Variants in TRIM32 observed in about 807,000 individuals in gnomAD.
TRIM32 encodes tripartite motif containing 32.
TRIM32 carries 19 observed loss-of-function variants against 36.0 expected under a neutral mutation model. The ratio of observed to expected loss-of-function variants is 0.53; its 90% CI spans 0.37 to 0.77. The LOEUF is 0.77. Among genes scored for constraint, TRIM32 ranks in the 30% least tolerant of loss-of-function variants. TRIM32 has a pLI of 0.00. For synonymous variants in TRIM32, 309 were observed against 318.5 expected (o/e 0.97, Z 0.32); for missense variants, 747 against 845.2 (o/e 0.88, Z 1.44).
intron 1 of TRIM32, among the ~76,000 whole-genome samples, chr9:116,691,042 C>G (rs954805923): frequency 6.6e-6 from 1 of 152,146 alleles, no homozygotes; most frequent in Admixed American, 6.5e-5. Flanking sequence ...ATCTCAGCCT[C>G]CCAAGTAGCT....
At chr9:116,690,963 A>G (rs1254305138) in intron 1 of TRIM32, among the ~76,000 whole-genome samples, 2 of 152,186 alleles carry the variant, frequency 1.3e-5, no homozygotes, top group African/African-American at 4.8e-5. Context: ...TGTGTCACCC[A>G]GGCTGGAGTG....
rs747954415 is a variant in TRIM32, at chr9:116,699,116, T to C, written c.1374T>C (p.Asp458=). Residue 458 remains aspartate (D), a synonymous_variant, in exon 2 of 2, where the codon GAT becomes GAC. Coordinates refer to ENST00000450136, the MANE Select transcript of TRIM32 (RefSeq NM_012210.4). The surrounding 1 kb of genome is among the most constrained non-coding windows in gnomAD (Gnocchi z 4.2). ...YDNSLKVYTL[D]GHCVACHRSQ... ...ACTCCCTCAAGGTATATACCTTGGA[T>C]GGCCACTGCGTGGCCTGTCACAGGA... 2.5e-6 allele frequency: 4 copies of C among 1,613,946 alleles called. No homozygotes were observed. Among genetic ancestry groups the C allele is most frequent in the Non-Finnish European group, 3.4e-6 (4 of 1,179,986 alleles).
chr9:116,687,339 G>C lies in TRIM32; in HGVS notation c.-124G>C. 8 of 910,014 alleles carry C rather than the reference G, an allele frequency of 8.8e-6. No homozygotes were observed. Among genetic ancestry groups the C allele is most frequent in the Non-Finnish European group, 1.1e-5 (8 of 761,502 alleles). 56.4% of individuals were successfully genotyped at this position (910,014 alleles called of 1,614,324 possible). Reference sequence around the variant, plus strand: ...CGCGTGCGCAGAGGGAGGCAGGCGGGTGGGCTGCCGGCGGTGGACTCGTCG... The same window carrying C: ...CGCGTGCGCAGAGGGAGGCAGGCGGCTGGGCTGCCGGCGGTGGACTCGTCG... On this transcript the variant is annotated 5_prime_UTR_variant, in exon 1 of 2. Transcript: ENST00000450136.
In TRIM32 at chr9:116,698,910, C is replaced by T. The variant is rs754554333; in HGVS notation, c.1168C>T (p.Arg390Cys). The T allele has an allele frequency of 3.5e-5, 57 of 1,614,084 alleles. No homozygotes were observed. The highest frequency in any genetic ancestry group is 4.3e-5 in the Non-Finnish European group (51 of 1,180,050). The part of the protein sequence containing the change: ...TSQGEVLVAD[R>C]GNYRIQVFTR... The stretch of plus-strand genomic sequence containing the variant: ...TCAAGGTGAAGTACTAGTCGCTGAC[C>T]GTGGTAACTATCGTATACAAGTCTT... The change falls in exon 2 of 2, where the codon CGT (arginine) becomes TGT (cysteine). Residue 390 changes from arginine to cysteine, a missense_variant. By Grantham distance (180) the Arg-to-Cys change is radical. Transcript: ENST00000450136. This position sits in a 1 kb window ranked among gnomAD's most constrained non-coding sequence, Gnocchi z 4.4.
Position 116,700,990 on chromosome 9 carries a change from G to T in TRIM32, c.*1286G>T, listed in dbSNP as rs1861142482. On this transcript the variant is annotated 3_prime_UTR_variant, in exon 2 of 2. Coordinates refer to ENST00000450136, the MANE Select transcript of TRIM32 (RefSeq NM_012210.4). ...TAGAGTCACCAATACCCTATTCTGAGCTTCTGCTGTATGTTTTATGTTTAT... is the reference window on the plus strand; with the variant it reads ...TAGAGTCACCAATACCCTATTCTGATCTTCTGCTGTATGTTTTATGTTTAT... 6.0e-6 allele frequency: 1 copy of T among 167,072 alleles called. No individual in the cohort carries two copies. The highest frequency in any genetic ancestry group is 2.4e-5 in the African/African-American group (1 of 41,460). The allele number at this position is 167,072 out of a possible 1,614,324, so 10.3% of individuals were successfully genotyped here.
Position 116,699,705 on chromosome 9 carries a change from G to C in TRIM32, c.*1G>C, listed in dbSNP as rs142781513. ...TCTGAGAAGATATTCCACCCCATAG[G>C]GGATGAGAAATTATCAGTTTCTTCT... On this transcript the variant is annotated 3_prime_UTR_variant, in exon 2 of 2. Transcript: ENST00000450136. The surrounding 1 kb of genome is among the most constrained non-coding windows in gnomAD (Gnocchi z 4.2). 22 of 1,614,166 alleles carry C rather than the reference G, an allele frequency of 1.4e-5. No homozygotes were observed. In the South Asian group the frequency reaches 2.3e-4, roughly 17 times the overall value.
In TRIM32 at chr9:116,699,426, G is replaced by C. The variant is rs1248422027; in HGVS notation, c.1684G>C (p.Gly562Arg). Residue 562 changes from glycine to arginine, a missense_variant, in exon 2 of 2, where the codon GGT (glycine) becomes CGT (arginine). By Grantham distance (125) the Gly-to-Arg change is moderately radical (BLOSUM62 -2). Transcript: ENST00000450136. The surrounding 1 kb of genome is among the most constrained non-coding windows in gnomAD (Gnocchi z 4.2). The stretch of plus-strand genomic sequence containing the variant: ...CTCTGTAGGCCCTGATGGGCAGCTG[G>C]GTCGCCAGATTAGCCACTTCTTCTC... Reference protein sequence around the residue: ...IGSVGPDGQLGRQISHFFSEN... With the variant: ...IGSVGPDGQLRRQISHFFSEN... The C allele has an allele frequency of 1.2e-6, 2 of 1,614,116 alleles. No homozygotes were observed. Among genetic ancestry groups the C allele is most frequent in the African/African-American group, 1.3e-5 (1 of 75,030 alleles).
rs141965401 is a variant in TRIM32 at position 116,699,200 on chromosome 9, C to T, written c.1458C>T (p.Thr486=). Residue 486 remains threonine (T), a synonymous_variant, in exon 2 of 2, where the codon ACC becomes ACT. Transcript: ENST00000450136. The surrounding 1 kb of genome is among the most constrained non-coding windows in gnomAD (Gnocchi z 4.2). ...TALPSGQFVV[T]DVEGGKLWCF... is the part of the protein sequence containing the mutation. ...TGCCATCTGGCCAGTTTGTAGTAAC[C>T]GATGTGGAAGGTGGAAAGCTTTGGT... 1.3e-4 allele frequency: 217 copies of T among 1,614,066 alleles called. No individual in the cohort carries two copies. The highest frequency in any genetic ancestry group is 1.7e-4 in the Non-Finnish European group (198 of 1,180,048).
Position 116,698,383 on chromosome 9 carries a change from A to T in TRIM32, c.641A>T (p.Glu214Val). The T allele has an allele frequency of 6.2e-7, 1 of 1,614,120 alleles. No homozygotes were observed. The highest frequency in any genetic ancestry group is 8.5e-7 in the Non-Finnish European group (1 of 1,180,024). Residue 214 changes from glutamate to valine, a missense_variant, in exon 2 of 2, where the codon GAG becomes GTG. Physicochemically the swap from Glu to Val is moderately radical, Grantham distance 121. Transcript: ENST00000450136. This position sits in a 1 kb window ranked among gnomAD's most constrained non-coding sequence, Gnocchi z 4.4. ...TTCACAGGCTCTTTGGCTGAAGTTG[A>T]GAAGTCCAATAGTCAAGTGGTAGAG... ...KFFTGSLAEV[E>V]KSNSQVVEEQ...
At chr9:116,688,136 G>A (rs1368047488) in intron 1 of TRIM32, among the ~76,000 whole-genome samples, 1 of 152,092 alleles carries the variant, frequency 6.6e-6, no homozygotes, top group Non-Finnish European at 1.5e-5. Flanking sequence ...GCGGGGCTGA[G>A]TGTGGCAGAG....
Position 116,698,033 on chromosome 9 carries a change from G to T in TRIM32, c.291G>T (p.Leu97=), listed in dbSNP as rs1403045192. The T allele has an allele frequency of 6.2e-7, 1 of 1,613,934 alleles. No homozygotes were observed. The change falls in exon 2 of 2, where the codon CTG becomes CTT. Residue 97 remains leucine, a synonymous_variant. Coordinates refer to ENST00000450136, the MANE Select transcript of TRIM32 (RefSeq NM_012210.4). This position sits in a 1 kb window ranked among gnomAD's most constrained non-coding sequence, Gnocchi z 4.4. ...DTAGLSEAVG[L]LMCRSCGRRL... The stretch of plus-strand genomic sequence containing the variant: ...CTGGGCTCAGCGAGGCTGTGGGGCT[G>T]CTCATGTGTCGGTCCTGTGGGCGGC...
Position 116,699,060 on chromosome 9 carries a change from G to GGGCT in TRIM32, c.1320_1323dup (p.Ile442AlafsTer6). The GGGCT allele has an allele frequency of 6.2e-7, 1 of 1,614,172 alleles. No homozygotes were observed. On this transcript the variant is annotated frameshift_variant, in exon 2 of 2. Transcript: ENST00000450136. LOFTEE classifies it high-confidence loss of function. The surrounding 1 kb of genome is among the most constrained non-coding windows in gnomAD (Gnocchi z 4.2). Reference sequence around the variant, plus strand: ...TCTCTCAGTGGCAATGAACTGCCAGGGGCTGATTGGTGTGACTGACAGCTA... The same window carrying GGGCT: ...TCTCTCAGTGGCAATGAACTGCCAGGGGCTGGCTGATTGGTGTGACTGACAGCTA...
At chr9:116,697,500 C>T in intron 1 of TRIM32, 162 bp from the exon 2 acceptor site, 1 of 521,072 alleles carries the variant, frequency 1.9e-6, no homozygotes. Flanking sequence ...GGTTTGTTTC[C>T]CTATCTGTCA....
chr9:116,688,585 C>G (rs151231525), intron 1 of TRIM32, among the ~76,000 whole-genome samples: 1 of 152,174 alleles, frequency 6.6e-6, no homozygotes, highest in Non-Finnish European at 1.5e-5. Context: ...AACAAAGATC[C>G]GTTATCATGA....
intron 1 of TRIM32, among the ~76,000 whole-genome samples, chr9:116,695,422 G>T (rs1263282152): frequency 6.6e-6 from 1 of 152,178 alleles, no homozygotes; most frequent in Non-Finnish European, 1.5e-5. Context: ...AATTGTGCAT[G>T]TCTGCTGCTA....
intron 1 of TRIM32, among the ~76,000 whole-genome samples, chr9:116,694,143 A>G (rs1239214352): frequency 6.6e-6 from 1 of 152,210 alleles, no homozygotes; most frequent in African/African-American, 2.4e-5. Context: ...GGATGTGGGC[A>G]TAGTAAATTC....
rs1301084122 is a variant in TRIM32, at chr9:116,697,697, TGTTCA to T, written c.-41_-37del. The T allele has an allele frequency of 6.2e-7, 1 of 1,611,522 alleles. No homozygotes were observed. Reference sequence around the variant, plus strand: ...ACCCTCTAGGGCATGAATACTGTGCTGTTCAGTTCTGAGCTGTGCTAGCAATACCC... The same window carrying T: ...ACCCTCTAGGGCATGAATACTGTGCTGTTCTGAGCTGTGCTAGCAATACCC... On this transcript the variant is annotated 5_prime_UTR_variant, in exon 2 of 2. It introduces an in-frame stop codon into an upstream open reading frame of the 5' UTR. Coordinates refer to ENST00000450136, the MANE Select transcript of TRIM32 (RefSeq NM_012210.4).
chr9:116,692,837 C>G (rs764873959), intron 1 of TRIM32, among the ~76,000 whole-genome samples: 1 of 152,114 alleles, frequency 6.6e-6, no homozygotes, highest in Admixed American at 6.5e-5. Flanking sequence ...CTGCAACCTC[C>G]ACTTCCTGGT....
Position 116,700,303 on chromosome 9 carries a change from C to T in TRIM32, c.*599C>T, listed in dbSNP as rs966915576. ...TACACAAGCCCTTTAGGAAGCAGTA[C>T]CTCTCGCCTGGAGGATCTGTGCCAT... On this transcript the variant is annotated 3_prime_UTR_variant, in exon 2 of 2. Coordinates refer to ENST00000450136, the MANE Select transcript of TRIM32 (RefSeq NM_012210.4). 5.9e-6 allele frequency: 1 copy of T among 169,006 alleles called. No individual in the cohort carries two copies. The highest frequency in any genetic ancestry group is 2.4e-5 in the African/African-American group (1 of 41,470). The allele number at this position is 169,006 out of a possible 1,614,324, so 10.5% of individuals were successfully genotyped here. A position where few individuals can be genotyped will look rare whatever the true frequency, so the allele number is the denominator to read the frequency against.
Sources: allele counts gnomAD v4.1 joint callset (sites outside exome capture counted in the v4.1 genomes callset), GRCh38; gene constraint gnomAD v4.1.1; non-coding constraint Gnocchi (gnomAD v3.1); transcripts MANE v1.5; gene names NCBI Gene and HGNC (gene_info 2026-07-23, HGNC 2026-07-21).